SPOCK3: variants seen among roughly 807,000 people sequenced by gnomAD.
SPOCK3 encodes testican-3.
A neutral mutation model predicts 56.6 loss-of-function variants in SPOCK3; 30 were observed. The ratio of observed to expected loss-of-function variants is 0.53; its 90% CI spans 0.40 to 0.72. The LOEUF is 0.72. Ranked by LOEUF, SPOCK3 falls within the 30% of genes least tolerant of loss-of-function variation. SPOCK3 has a pLI of 0.00. For synonymous variants in SPOCK3, 196 were observed against 183.3 expected, an observed-to-expected ratio of 1.07 and a Z score of -0.56; for missense variants, 527 against 530.0, an observed-to-expected ratio of 0.99 and a Z score of 0.06.
At chr4:166,909,447 C>G (rs1737012241) in intron 5 of SPOCK3, among the ~76,000 whole-genome samples, 1 of 151,916 alleles carries the variant, frequency 6.6e-6, no homozygotes, top group African/African-American at 2.4e-5. Flanking sequence ...AATCTCCTCT[C>G]TATAAAATAA....
chr4:167,144,338 C>G (rs1445305184), intron 2 of SPOCK3, among the ~76,000 whole-genome samples: 1 of 151,580 alleles, frequency 6.6e-6, no homozygotes, highest in Non-Finnish European at 1.5e-5. Flanking sequence ...AGTCAATTAC[C>G]CAAACATAAG....
chr4:166,833,305 A>G (rs1174418999), intron 6 of SPOCK3, among the ~76,000 whole-genome samples: 1 of 152,144 alleles, frequency 6.6e-6, no homozygotes, highest in Non-Finnish European at 1.5e-5. Context: ...ACTTAAAAAG[A>G]GTGTGTATTT....
intron 6 of SPOCK3, among the ~76,000 whole-genome samples, chr4:166,871,385 T>C (rs1189533362): frequency 3.3e-5 from 5 of 152,212 alleles, no homozygotes; most frequent in South Asian, 2.1e-4. Flanking sequence ...TCACTACTGC[T>C]TTCATAGACA....
At chr4:166,849,861 G>T (rs1457210511) in intron 6 of SPOCK3, among the ~76,000 whole-genome samples, 1 of 152,130 alleles carries the variant, frequency 6.6e-6, no homozygotes, top group Admixed American at 6.5e-5. Flanking sequence ...TCTGGGACTG[G>T]CATTAGCATA....
intron 2 of SPOCK3, among the ~76,000 whole-genome samples, chr4:167,221,489 G>A (rs7693556): frequency 0.036 from 5,430 of 152,186 alleles, 114 homozygotes; most frequent in Admixed American, 0.075. Flanking sequence ...TTAGAAAGTC[G>A]TTTCAAACTT....
Position 166,790,793 on chromosome 4 carries a change from G to A in SPOCK3, c.709+1377C>T, listed in dbSNP as rs375264216. On this transcript the variant is annotated intron_variant, in intron 7 of 10. Transcript: ENST00000357545. Reference sequence around the variant, plus strand: ...CTTAGGTTAAAGGAGAAATTTTAGCGCAAGCAATAAAAATGTTCATCTATG... The same window carrying A: ...CTTAGGTTAAAGGAGAAATTTTAGCACAAGCAATAAAAATGTTCATCTATG... 9.9e-5 allele frequency among the ~76,000 whole-genome samples: 15 copies of A among 152,244 alleles called. No homozygotes were observed. The East Asian group carries it at 1.4e-3, about 14-fold the overall frequency.
At chr4:166,815,318 A>G (rs1255634596) in intron 6 of SPOCK3, among the ~76,000 whole-genome samples, 1 of 152,130 alleles carries the variant, frequency 6.6e-6, no homozygotes, top group African/African-American at 2.4e-5. Flanking sequence ...CAAAAAGTGA[A>G]TAAAAAAATT....
At chr4:167,137,466 T>C (rs147076885) in intron 2 of SPOCK3, among the ~76,000 whole-genome samples, 1 of 152,002 alleles carries the variant, frequency 6.6e-6, no homozygotes, top group Non-Finnish European at 1.5e-5. Flanking sequence ...ATTATTTTTA[T>C]TTAAAAATTG....
At chr4:166,907,950 A>G (rs538211081) in intron 5 of SPOCK3, among the ~76,000 whole-genome samples, 76 of 152,082 alleles carry the variant, frequency 5.0e-4, no homozygotes, top group African/African-American at 1.7e-3. Context: ...GTGCACATCC[A>G]TTTCTGACAG....
intron 4 of SPOCK3, among the ~76,000 whole-genome samples, chr4:166,949,173 A>G (rs1362918031): frequency 2.0e-5 from 3 of 152,080 alleles, no homozygotes; most frequent in African/African-American, 4.8e-5. Flanking sequence ...GTAGTTCTCG[A>G]GCCTTGGCTT....
chr4:166,966,192 G>A (rs537290004), intron 4 of SPOCK3, among the ~76,000 whole-genome samples: 25 of 149,924 alleles, frequency 1.7e-4, no homozygotes, highest in Non-Finnish European at 3.5e-4. Flanking sequence ...GAGCTAATGA[G>A]TACTTCATTG....
intron 6 of SPOCK3, among the ~76,000 whole-genome samples, chr4:166,821,932 T>G (rs1218262208): frequency 6.6e-6 from 1 of 152,094 alleles, no homozygotes; most frequent in Non-Finnish European, 1.5e-5. Context: ...CATGTGTTAT[T>G]GTTTATAGGA....
At chr4:167,024,517 T>C (rs749636569) in intron 3 of SPOCK3, among the ~76,000 whole-genome samples, 23 of 152,048 alleles carry the variant, frequency 1.5e-4, no homozygotes, top group Non-Finnish European at 2.6e-4. Flanking sequence ...TACAATTATA[T>C]TTCTAGAAAT....
In SPOCK3 at chr4:167,233,973, C is replaced by A. The variant is rs1225918611; in HGVS notation, c.189+12G>T. On this transcript the variant is annotated intron_variant, in intron 2 of 10. Coordinates refer to ENST00000357545, the MANE Select transcript of SPOCK3 (RefSeq NM_001040159.2). ...GCGCGTGTGCCCGGGGATGTGGGTGCGCGGAACTTACGTCTCGGAATTTGT... is the reference window on the plus strand; with the variant it reads ...GCGCGTGTGCCCGGGGATGTGGGTGAGCGGAACTTACGTCTCGGAATTTGT... 6.2e-7 allele frequency: 1 copy of A among 1,608,710 alleles called. No individual in the cohort carries two copies.
At chr4:167,024,380 A>G (rs1751493177) in intron 3 of SPOCK3, among the ~76,000 whole-genome samples, 1 of 152,054 alleles carries the variant, frequency 6.6e-6, no homozygotes, top group South Asian at 2.1e-4. Context: ...TAAGATCAGG[A>G]GCTCAAATAG....
chr4:167,226,490 A>C (rs1383317633), intron 2 of SPOCK3, among the ~76,000 whole-genome samples: 1 of 152,160 alleles, frequency 6.6e-6, no homozygotes, highest in Non-Finnish European at 1.5e-5. Context: ...GGAGACTGAG[A>C]ATATTTTCAA....
intron 7 of SPOCK3, among the ~76,000 whole-genome samples, chr4:166,769,226 G>T (rs566992044): frequency 6.6e-6 from 1 of 152,170 alleles, no homozygotes; most frequent in Non-Finnish European, 1.5e-5. Context: ...TCTGTTGCTG[G>T]GGAGGAGCTG....
At chr4:166,964,795 C>T (rs1489601937) in intron 4 of SPOCK3, among the ~76,000 whole-genome samples, 2 of 151,602 alleles carry the variant, frequency 1.3e-5, no homozygotes, top group Non-Finnish European at 3.0e-5. Context: ...ATAAATTGGA[C>T]CTCTCTTTCA....
chr4:166,997,312 TTAAAA>T (rs1003311882), intron 4 of SPOCK3, among the ~76,000 whole-genome samples: 22 of 152,192 alleles, frequency 1.4e-4, no homozygotes, highest in African/African-American at 2.4e-4. Flanking sequence ...ATCCCGGAAC[TTAAAA>T]TAAAATAAAA....
Sources: gnomAD v4.1 joint callset for allele counts (sites outside exome capture counted in the v4.1 genomes callset) on GRCh38, gnomAD v4.1.1 for gene constraint, MANE v1.5 for transcripts, NCBI Gene and HGNC (gene_info 2026-07-23, HGNC 2026-07-21) for gene names.